ESYT1: variants seen among roughly 807,000 people sequenced by gnomAD.
The protein encoded by ESYT1 is extended synaptotagmin 1.
ESYT1 carries 116 observed loss-of-function variants against 154.2 expected under a neutral mutation model. That is an observed-to-expected ratio of 0.75 (90% confidence interval 0.65 to 0.88). The LOEUF (loss-of-function observed/expected upper bound fraction) is 0.88, where lower values mean the gene tolerates loss of function less well. Ranked by LOEUF, ESYT1 falls within the 40% of genes least tolerant of loss-of-function variation. ESYT1 has a pLI of 0.00. For missense variants in ESYT1, 1,264 were observed against 1,379.3 expected, an observed-to-expected ratio of 0.92 and a Z score of 1.32; for synonymous variants, 500 against 539.9, an observed-to-expected ratio of 0.93 and a Z score of 1.02.
At chr12:56,141,098 G>C (rs959975227) in intron 24 of ESYT1, among the ~76,000 whole-genome samples, 4 of 152,292 alleles carry the variant, frequency 2.6e-5, no homozygotes, top group African/African-American at 9.6e-5. Flanking sequence ...TGTAGTCATG[G>C]GTGAGATCTC....
intron 14 of ESYT1, 79 bp downstream of exon 14, chr12:56,134,260 T>C: frequency 6.3e-7 from 1 of 1,598,410 alleles, no homozygotes; most frequent in Non-Finnish European, 8.6e-7. Context: ...CCCTTTAGAA[T>C]GCCTGTTACA....
chr12:56,133,927 C>T (rs1870344766), intron 13 of ESYT1, 54 bp downstream of exon 13: 7 of 1,586,576 alleles, frequency 4.4e-6, no homozygotes, highest in Non-Finnish European at 6.1e-6. Context: ...CCAACCCTGC[C>T]TTGCTGAGGA....
Position 56,142,252 on chromosome 12 carries a change from T to A in ESYT1, c.2593-33T>A. On this transcript the variant is annotated intron_variant, in intron 24 of 30. Transcript: ENST00000394048. This position sits in a 1 kb window ranked among gnomAD's most constrained non-coding sequence, Gnocchi z 4.1. ...AGGATTAACTCATTTGTTGATGCATTCGCCTCTTGATCATGGTCCTGTTGC... is the reference window on the plus strand; with the variant it reads ...AGGATTAACTCATTTGTTGATGCATACGCCTCTTGATCATGGTCCTGTTGC... The A allele has an allele frequency of 6.2e-7, 1 of 1,610,278 alleles. No homozygotes were observed. Among genetic ancestry groups the A allele is most frequent in the Non-Finnish European group, 8.5e-7 (1 of 1,177,318 alleles).
In ESYT1 at chr12:56,144,223, ATCT is replaced by A; in HGVS notation, c.*363_*365del. 3 of 1,135,864 alleles carry A rather than the reference ATCT, an allele frequency of 2.6e-6. No individual in the cohort carries two copies. The highest frequency in any genetic ancestry group is 3.3e-6 in the Non-Finnish European group (3 of 922,538). The allele number at this position is 1,135,864 out of a possible 1,614,324, so 70.4% of individuals were successfully genotyped here. Reference sequence around the variant, plus strand: ...TTATGCCAAATACAGCTTTGGAAGGATCTTTTTTTCTTTAACTAGATGGTCACC... The same window carrying A: ...TTATGCCAAATACAGCTTTGGAAGGATTTTTTCTTTAACTAGATGGTCACC... On this transcript the variant is annotated 3_prime_UTR_variant, in exon 31 of 31. Coordinates refer to ENST00000394048, the MANE Select transcript of ESYT1 (RefSeq NM_015292.3).
At chr12:56,134,643 G>C (rs1565874182) in intron 15 of ESYT1, among the ~76,000 whole-genome samples, 1 of 151,148 alleles carries the variant, frequency 6.6e-6, no homozygotes, top group Non-Finnish European at 1.5e-5. Flanking sequence ...CTGTTGCCCA[G>C]GCTGGGGTGC....
rs937825143 is a variant in ESYT1 at position 56,144,411 on chromosome 12, G to A, written c.*549G>A. 5.1e-6 allele frequency: 5 copies of A among 988,486 alleles called. No homozygotes were observed. In the African/African-American group the frequency reaches 7.0e-5, roughly 14 times the overall value. 61.2% of individuals were successfully genotyped at this position (988,486 alleles called of 1,614,324 possible). A position where few individuals can be genotyped will look rare whatever the true frequency, so the allele number is the denominator to read the frequency against. Reference sequence around the variant, plus strand: ...CCTGTCCTGAAAATTCTACTGCTTTGATGGCTGGGGCCAGTCTCTTGTCAC... The same window carrying A: ...CCTGTCCTGAAAATTCTACTGCTTTAATGGCTGGGGCCAGTCTCTTGTCAC... On this transcript the variant is annotated 3_prime_UTR_variant, in exon 31 of 31. Coordinates refer to ENST00000394048, the MANE Select transcript of ESYT1 (RefSeq NM_015292.3).
chr12:56,140,196 C>G (rs185857714), intron 24 of ESYT1, among the ~76,000 whole-genome samples: 54 of 151,628 alleles, frequency 3.6e-4, no homozygotes, highest in Non-Finnish European at 6.0e-4. Flanking sequence ...TTCTTTCGGA[C>G]CACGAAAAGA....
intron 3 of ESYT1, 39 bp from the exon 4 acceptor site, chr12:56,131,001 C>T: frequency 1.9e-6 from 3 of 1,614,108 alleles, no homozygotes; most frequent in Non-Finnish European, 2.5e-6. Context: ...GGTACTTCTC[C>T]CTATCCCTGC....
At chr12:56,143,675 A>T in intron 30 of ESYT1, 46 bp downstream of exon 30, 1 of 1,613,076 alleles carries the variant, frequency 6.2e-7, no homozygotes, top group Non-Finnish European at 8.5e-7. Context: ...TTTCAGTGGG[A>T]GAAATTCCAA....
Position 56,142,304 on chromosome 12 carries a change from G to C in ESYT1, c.2612G>C (p.Gly871Ala). Residue 871 changes from glycine to alanine, a missense_variant, in exon 25 of 31, where the codon GGC (glycine) becomes GCC (alanine). Gly to Ala is a moderately conservative substitution (Grantham distance 60, BLOSUM62 0). Transcript: ENST00000394048. The surrounding 1 kb of genome is among the most constrained non-coding windows in gnomAD (Gnocchi z 4.1). Reference sequence around the variant, plus strand: ...CCACAGGTTCGGGGTGAGGGCACTGGCGTGCTGGGCTCATTATCCCTGCCC... The same window carrying C: ...CCACAGGTTCGGGGTGAGGGCACTGCCGTGCTGGGCTCATTATCCCTGCCC... ...LELQVRGEGT[G>A]VLGSLSLPLS... 6.2e-7 allele frequency: 1 copy of C among 1,614,160 alleles called. No individual in the cohort carries two copies.
In ESYT1 at chr12:56,143,984, C is replaced by T; in HGVS notation, c.*122C>T. The T allele has an allele frequency of 1.3e-6, 2 of 1,577,516 alleles. No individual in the cohort carries two copies. Among genetic ancestry groups the T allele is most frequent in the South Asian group, 1.1e-5 (1 of 88,692 alleles). ...CAGAGCCTGTGCCCTTCAGCCCTTT[C>T]ACCTAACAGGCCCATATTCGGGCCT... On this transcript the variant is annotated 3_prime_UTR_variant, in exon 31 of 31. Coordinates refer to ENST00000394048, the MANE Select transcript of ESYT1 (RefSeq NM_015292.3).
Position 56,142,409 on chromosome 12 carries a change from TGA to T in ESYT1, c.2721_2722del (p.Arg907SerfsTer17). The T allele has an allele frequency of 1.2e-6, 2 of 1,613,450 alleles. No homozygotes were observed. Among genetic ancestry groups the T allele is most frequent in the Non-Finnish European group, 1.7e-6 (2 of 1,179,674 alleles). On this transcript the variant is annotated frameshift_variant, in exon 25 of 31. Coordinates refer to ENST00000394048, the MANE Select transcript of ESYT1 (RefSeq NM_015292.3). LOFTEE classifies it high-confidence loss of function. This position sits in a 1 kb window ranked among gnomAD's most constrained non-coding sequence, Gnocchi z 4.1. The stretch of plus-strand genomic sequence containing the variant: ...AGCAGTGGTCAGGGGCAGGTGCTAC[TGA>T]GAGCACAGCTAGGGGTGAGTGACAG...
At position 56,143,822 on chromosome 12, in the gene ESYT1, G is replaced by T; in HGVS notation, c.3276-1G>T. 1 of 1,614,066 alleles carries T rather than the reference G, an allele frequency of 6.2e-7. No homozygotes were observed. The stretch of plus-strand genomic sequence containing the variant: ...TTTCTACATGAGCCCTCTTTTCACA[G>T]GTATGACCTGATGGACAACAAGGAC... On this transcript the variant is annotated splice_acceptor_variant, in intron 30 of 30. Transcript: ENST00000394048. LOFTEE classifies it high-confidence loss of function.
chr12:56,139,074 A>G, intron 24 of ESYT1, 61 bp downstream of exon 24: 3 of 1,278,524 alleles, frequency 2.3e-6, no homozygotes, highest in Non-Finnish European at 2.3e-6. Flanking sequence ...GCAGGAAACC[A>G]GGCACAGAGC....
chr12:56,142,393 C>A lies in ESYT1; in HGVS notation c.2701C>A (p.Gln901Lys). 6.2e-7 allele frequency: 1 copy of A among 1,613,936 alleles called. No homozygotes were observed. Among genetic ancestry groups the A allele is most frequent in the South Asian group, 1.1e-5 (1 of 91,012 alleles). ...CCGCTGGTTTACACTCAGCAGTGGT[C>A]AGGGGCAGGTGCTACTGAGAGCACA... ...LDRWFTLSSG[Q>K]GQVLLRAQLG... Residue 901 changes from glutamine to lysine, a missense_variant, in exon 25 of 31, where the codon CAG (glutamine) becomes AAG (lysine). By Grantham distance (53) the Gln-to-Lys change is moderately conservative. Coordinates refer to ENST00000394048, the MANE Select transcript of ESYT1 (RefSeq NM_015292.3). This position sits in a 1 kb window ranked among gnomAD's most constrained non-coding sequence, Gnocchi z 4.1.
At position 56,141,818 on chromosome 12, in the gene ESYT1, G is replaced by A. The variant is rs547122817; in HGVS notation, c.2593-467G>A. Among the ~76,000 whole-genome samples, 6 of 152,208 alleles carry A rather than the reference G, an allele frequency of 3.9e-5. No individual in the cohort carries two copies. In the East Asian group the frequency reaches 9.7e-4, roughly 24 times the overall value. ...ACTCTGGTTAAGAAAGGAAGGACAG[G>A]CCAGACACAGTGGCTCACACCTGTA... is the stretch of plus-strand genomic sequence containing the variant. On this transcript the variant is annotated intron_variant, in intron 24 of 30. Coordinates refer to ENST00000394048, the MANE Select transcript of ESYT1 (RefSeq NM_015292.3).
Position 56,142,482 on chromosome 12 carries a change from G to A in ESYT1, c.2733+57G>A. On this transcript the variant is annotated intron_variant, in intron 25 of 30. Transcript: ENST00000394048. The surrounding 1 kb of genome is among the most constrained non-coding windows in gnomAD (Gnocchi z 4.1). ...AGGGAGGAGGGGAGGGCCTTCACAG[G>A]TGAGGGACACCCAGGAGGGTGGGAA... is the stretch of plus-strand genomic sequence containing the variant. The A allele has an allele frequency of 6.2e-7, 1 of 1,607,924 alleles. No homozygotes were observed. Among genetic ancestry groups the A allele is most frequent in the Non-Finnish European group, 8.5e-7 (1 of 1,175,598 alleles).
chr12:56,130,700 C>G, intron 2 of ESYT1, 77 bp downstream of exon 2: 1 of 1,613,284 alleles, frequency 6.2e-7, no homozygotes, highest in Non-Finnish European at 8.5e-7. Flanking sequence ...CCATCCTCAA[C>G]CCTCAGTGCT....
chr12:56,128,662 C>G lies in ESYT1; in HGVS notation c.343C>G (p.Leu115Val), dbSNP rs1258538783. The change falls in exon 1 of 31, where the codon CTC (leucine) becomes GTC (valine). Residue 115 changes from leucine (L) to valine (V), a missense_variant. Transcript: ENST00000394048. The stretch of plus-strand genomic sequence containing the variant: ...GCAGCTACTGGACGACGAGGAGCAG[C>G]TCACTGCGAAAACTCTCTATATGAG... Reference protein sequence around the residue: ...ARQLLDDEEQLTAKTLYMSHR... With the variant: ...ARQLLDDEEQVTAKTLYMSHR... 6.2e-7 allele frequency: 1 copy of G among 1,614,058 alleles called. No homozygotes were observed.
Sources: gnomAD v4.1 joint callset for allele counts (sites outside exome capture counted in the v4.1 genomes callset) on GRCh38, gnomAD v4.1.1 for gene constraint, Gnocchi (gnomAD v3.1) non-coding constraint, MANE v1.5 for transcripts, NCBI Gene and HGNC (gene_info 2026-07-23, HGNC 2026-07-21) for gene names.